The following GRIK2 variants were observed in gnomAD, a reference collection of about 807,000 sequenced individuals.
GRIK2 encodes glutamate receptor ionotropic, kainate 2.
In GRIK2, 32 loss-of-function variants were observed where a neutral mutation model predicts 100.3. The ratio of observed to expected loss-of-function variants is 0.32; its 90% confidence interval spans 0.24 to 0.43. GRIK2 has a LOEUF of 0.43. GRIK2 is among the 20% of genes least tolerant of loss of function. GRIK2 has a pLI of 1.00. For synonymous variants in GRIK2, 417 were observed against 389.4 expected (o/e 1.07, Z -0.83); for missense variants, 843 against 1,114.9 (o/e 0.76, Z 3.47).
intron 2 of GRIK2, among the ~76,000 whole-genome samples, chr6:101,584,501 G>A (rs570072055): frequency 6.6e-6 from 1 of 152,024 alleles, no homozygotes; most frequent in African/African-American, 2.4e-5. Context: ...GGAGACAGTA[G>A]CAAAACTAAC....
At chr6:101,711,538 G>A (rs17062374) in intron 7 of GRIK2, among the ~76,000 whole-genome samples, 12,701 of 151,796 alleles carry the variant, frequency 0.084, 1,750 homozygotes, top group African/African-American at 0.29. Context: ...GGATGATTGA[G>A]TTTAAATAGC....
chr6:101,734,174 A>T (rs1775478235), intron 7 of GRIK2, among the ~76,000 whole-genome samples: 1 of 152,160 alleles, frequency 6.6e-6, no homozygotes, highest in South Asian at 2.1e-4. Context: ...CCAAAGAAAC[A>T]GTACCAACAG....
chr6:101,406,015 C>G (rs1487083593), intron 2 of GRIK2, among the ~76,000 whole-genome samples: 1 of 152,160 alleles, frequency 6.6e-6, no homozygotes, highest in East Asian at 1.9e-4. Context: ...TCACATTTCA[C>G]AGTTCCTCTA....
chr6:101,928,212 C>T, intron 13 of GRIK2: 1 of 573,790 alleles, frequency 1.7e-6, no homozygotes, highest in Admixed American at 3.1e-5. Context: ...TATATTTAAA[C>T]AAGAATGTCC....
At chr6:101,619,688 C>T (rs1385965469) in intron 2 of GRIK2, among the ~76,000 whole-genome samples, 1 of 152,022 alleles carries the variant, frequency 6.6e-6, no homozygotes, top group African/African-American at 2.4e-5. Flanking sequence ...TTTACAAGTA[C>T]CTTACAATTA....
chr6:101,937,866 C>A (rs748977800), intron 14 of GRIK2, among the ~76,000 whole-genome samples: 11 of 151,996 alleles, frequency 7.2e-5, no homozygotes, highest in Non-Finnish European at 1.0e-4. Context: ...AGGTGAATAT[C>A]CTGAAATTTG....
intron 2 of GRIK2, among the ~76,000 whole-genome samples, chr6:101,588,595 T>C (rs1458424422): frequency 6.6e-6 from 1 of 151,668 alleles, no homozygotes; most frequent in Non-Finnish European, 1.5e-5. Flanking sequence ...TAGTGCACAA[T>C]GATTGCACCT....
chr6:101,497,464 T>A (rs1401582811), intron 2 of GRIK2, among the ~76,000 whole-genome samples: 1 of 125,264 alleles, frequency 8.0e-6, no homozygotes, highest in Non-Finnish European at 1.8e-5. Flanking sequence ...TTTAGTTTGA[T>A]CTATTCACTC....
intron 7 of GRIK2, among the ~76,000 whole-genome samples, chr6:101,754,425 G>A (rs894380935): frequency 1.3e-5 from 2 of 152,162 alleles, no homozygotes; most frequent in Non-Finnish European, 2.9e-5. Flanking sequence ...TATGGGTTCT[G>A]GATTCTAGTT....
At chr6:101,585,313 G>A (rs1000669270) in intron 2 of GRIK2, among the ~76,000 whole-genome samples, 15 of 152,086 alleles carry the variant, frequency 9.9e-5, no homozygotes, top group African/African-American at 3.4e-4. Context: ...GTTTATATAC[G>A]TATGTGAGTA....
chr6:101,417,248 A>G (rs999344449), intron 2 of GRIK2, among the ~76,000 whole-genome samples: 1 of 152,156 alleles, frequency 6.6e-6, no homozygotes, highest in Non-Finnish European at 1.5e-5. Flanking sequence ...ACCTCCCACC[A>G]GGTCCCTCCC....
At chr6:102,057,906 C>A (rs546275725) in intron 16 of GRIK2, among the ~76,000 whole-genome samples, 1 of 151,826 alleles carries the variant, frequency 6.6e-6, no homozygotes, top group Admixed American at 6.6e-5. Flanking sequence ...TTAACTTGCC[C>A]AGAAAGCTTT....
chr6:101,910,781 G>C (rs1788621742), intron 12 of GRIK2, among the ~76,000 whole-genome samples: 1 of 148,422 alleles, frequency 6.7e-6, no homozygotes, highest in Admixed American at 6.8e-5. Context: ...GAAATTACAG[G>C]AAAAGAATTA....
chr6:101,631,111 A>G (rs1274229281), intron 4 of GRIK2, among the ~76,000 whole-genome samples: 3 of 152,172 alleles, frequency 2.0e-5, no homozygotes, highest in African/African-American at 7.2e-5. Flanking sequence ...TCATGGATGA[A>G]TGCTTTTAAA....
At chr6:101,824,272 T>C (rs1782168402) in intron 10 of GRIK2, among the ~76,000 whole-genome samples, 1 of 152,114 alleles carries the variant, frequency 6.6e-6, no homozygotes, top group South Asian at 2.1e-4. Flanking sequence ...TGCAGTCTTT[T>C]ATCCCTCACA....
intron 7 of GRIK2, among the ~76,000 whole-genome samples, chr6:101,719,108 A>G (rs1383894292): frequency 9.3e-6 from 1 of 107,170 alleles, no homozygotes; most frequent in Non-Finnish European, 1.8e-5. Context: ...ATTTAAATGT[A>G]TTTTCTGAAA....
intron 14 of GRIK2, among the ~76,000 whole-genome samples, chr6:102,026,731 A>G (rs1769724512): frequency 2.6e-5 from 4 of 151,210 alleles, no homozygotes; most frequent in East Asian, 3.9e-4. Flanking sequence ...GAGAAGAGCA[A>G]TTCTCTCTGT....
chr6:101,431,913 C>T (rs1769427681), intron 2 of GRIK2, among the ~76,000 whole-genome samples: 1 of 152,092 alleles, frequency 6.6e-6, no homozygotes, highest in South Asian at 2.1e-4. Context: ...CATGGGGAAT[C>T]ATCTAACACT....
At chr6:101,464,656 A>G (rs537992211) in intron 2 of GRIK2, among the ~76,000 whole-genome samples, 1 of 151,438 alleles carries the variant, frequency 6.6e-6, no homozygotes, top group African/African-American at 2.4e-5. Context: ...AGCTGGGACT[A>G]CAGGCACTCG....
Sources: gnomAD v4.1 joint callset for allele counts (sites outside exome capture counted in the v4.1 genomes callset) on GRCh38, gnomAD v4.1.1 for gene constraint, MANE v1.5 for transcripts, NCBI Gene and HGNC (gene_info 2026-07-23, HGNC 2026-07-21) for gene names.